Variants in CUBN observed in about 807,000 individuals in gnomAD.
CUBN encodes cubilin.
A neutral mutation model predicts 405.3 loss-of-function variants in CUBN; 282 were observed. The ratio of observed to expected loss-of-function variants is 0.70; its 90% CI spans 0.63 to 0.77. The LOEUF (loss-of-function observed/expected upper bound fraction) is 0.77. CUBN is among the 30% of genes least tolerant of loss of function. The pLI, the probability that CUBN is intolerant of heterozygous loss-of-function variation, is 0.00. For synonymous variants in CUBN, 1,684 were observed against 1,617.0 expected (o/e 1.04, Z -0.99); for missense variants, 4,514 against 4,475.2 (o/e 1.01, Z -0.25).
chr10:17,061,726 G>C (rs1397815197), intron 22 of CUBN, among the ~76,000 whole-genome samples: 1 of 152,098 alleles, frequency 6.6e-6, no homozygotes, highest in Non-Finnish European at 1.5e-5. Context: ...GATCATCCTT[G>C]GCCATTTCCC....
chr10:17,013,251 TTCTC>T (rs1168242470), intron 28 of CUBN, among the ~76,000 whole-genome samples: 1 of 151,948 alleles, frequency 6.6e-6, no homozygotes, highest in Non-Finnish European at 1.5e-5. Context: ...CTCTCTGACT[TTCTC>T]TCTGTCTCTT....
intron 42 of CUBN, 29 bp from the exon 43 acceptor site, chr10:16,925,453 C>A: frequency 6.2e-7 from 1 of 1,608,950 alleles, no homozygotes; most frequent in Non-Finnish European, 8.5e-7. Flanking sequence ...ATTTCATCAA[C>A]TCCTTTACAT....
chr10:16,863,534 GCCA>G (rs1469714620), intron 59 of CUBN, among the ~76,000 whole-genome samples: 1 of 151,842 alleles, frequency 6.6e-6, no homozygotes, highest in African/African-American at 2.4e-5. Flanking sequence ...CTTCAATCAG[GCCA>G]CCAAGAGGTA....
chr10:17,059,783 C>A (rs567622161), intron 22 of CUBN, among the ~76,000 whole-genome samples: 4 of 152,166 alleles, frequency 2.6e-5, no homozygotes, highest in Non-Finnish European at 5.9e-5. Context: ...TTTCTTTTCC[C>A]TCTCAGATGA....
chr10:16,984,265 G>C lies in CUBN; in HGVS notation c.4365C>G (p.Pro1455=). Residue 1455 remains proline, a synonymous_variant, in exon 30 of 67, where the codon CCC becomes CCG. Coordinates refer to ENST00000377833, the MANE Select transcript of CUBN (RefSeq NM_001081.4). ...NFDVLEIYGG[P]DFHSPRIAQL... ...GGGCTATTCTGGGAGAGTGGAAATC[G>C]GGGCCTCCATAGATCTAACATGGGA... The C allele has an allele frequency of 1.9e-6, 3 of 1,614,026 alleles. No individual in the cohort carries two copies. In the South Asian group the frequency reaches 3.3e-5, roughly 18 times the overall value.
rs181980660 is a variant in CUBN, at chr10:17,048,087, T to C, written c.3140-484A>G. ...AGAGTGATCTCGAATGAAAACCCTC[T>C]CAAACACTGTCAAGCTCTGCAGCCT... On this transcript the variant is annotated intron_variant, in intron 22 of 66. Coordinates refer to ENST00000377833, the MANE Select transcript of CUBN (RefSeq NM_001081.4). 1.2e-3 allele frequency among the ~76,000 whole-genome samples: 187 copies of C among 152,358 alleles called. 2 individuals carry two copies. The highest frequency in any genetic ancestry group is 4.2e-3 in the African/African-American group (174 of 41,586).
rs1168523361 is a variant in CUBN, at chr10:17,065,731, A to G, written c.3009-93T>C. The G allele has an allele frequency of 1.4e-5, 21 of 1,468,286 alleles. No homozygotes were observed. In the East Asian group the frequency reaches 4.4e-4, roughly 31 times the overall value. The allele number at this position is 1,468,286 out of a possible 1,614,324, so 91.0% of individuals were successfully genotyped here. On this transcript the variant is annotated intron_variant, in intron 21 of 66. Transcript: ENST00000377833. ...AATTTGGACATGTAAATATAATAAT[A>G]GGTTTTGTTCTCTACCTCTCATCAA... is the stretch of plus-strand genomic sequence containing the variant.
rs1843043716 is a variant in CUBN, at chr10:16,955,690, C to T, written c.4696-1142G>A. Among the ~76,000 whole-genome samples the T allele has an allele frequency of 2.6e-5, 4 of 152,150 alleles. No homozygotes were observed. The South Asian group carries it at 8.3e-4, about 32-fold the overall frequency. ...ATTAGTGCTTACTATGTGCCAGGAACTGGATTCAGCCCTTCACGTACACTG... is the reference window on the plus strand; with the variant it reads ...ATTAGTGCTTACTATGTGCCAGGAATTGGATTCAGCCCTTCACGTACACTG... On this transcript the variant is annotated intron_variant, in intron 31 of 66. Transcript: ENST00000377833.
chr10:17,111,358 A>G (rs947007955), intron 8 of CUBN, among the ~76,000 whole-genome samples: 1 of 152,190 alleles, frequency 6.6e-6, no homozygotes, highest in African/African-American at 2.4e-5. Flanking sequence ...AGTTGCACCT[A>G]TTAAAACTCA....
chr10:17,065,732 G>T, intron 21 of CUBN, 94 bp from the exon 22 acceptor site: 2 of 1,446,588 alleles, frequency 1.4e-6, no homozygotes, highest in East Asian at 2.3e-5. Flanking sequence ...TATAATAATA[G>T]GTTTTGTTCT....
At chr10:17,125,247 TACAC>T (rs547226654) in intron 4 of CUBN, among the ~76,000 whole-genome samples, 10 of 151,978 alleles carry the variant, frequency 6.6e-5, no homozygotes, top group African/African-American at 1.9e-4. Context: ...TGCACATACA[TACAC>T]ACACACATAC....
chr10:17,086,386 T>G (rs899083611), intron 15 of CUBN, among the ~76,000 whole-genome samples: 1 of 152,114 alleles, frequency 6.6e-6, no homozygotes, highest in South Asian at 2.1e-4. Flanking sequence ...TAGAAGAAAA[T>G]GAATATAAGC....
chr10:16,938,803 C>G (rs905969799), intron 38 of CUBN, among the ~76,000 whole-genome samples, 160 bp downstream of exon 38: 6 of 151,944 alleles, frequency 3.9e-5, no homozygotes, highest in African/African-American at 1.5e-4. Flanking sequence ...ACTGAAATTG[C>G]CTTTGTCCAT....
chr10:16,935,315 C>T (rs369551522), intron 39 of CUBN, among the ~76,000 whole-genome samples: 51 of 152,128 alleles, frequency 3.4e-4, no homozygotes, highest in East Asian at 7.8e-4. Flanking sequence ...CCATGCCTAC[C>T]TAATTTTTTT....
chr10:17,119,925 G>T (rs1836997961), intron 6 of CUBN, among the ~76,000 whole-genome samples: 1 of 152,152 alleles, frequency 6.6e-6, no homozygotes, highest in Admixed American at 6.5e-5. Flanking sequence ...ATGAGTATCT[G>T]CACCTTTTCA....
chr10:16,828,126 G>T (rs549080175), intron 66 of CUBN, among the ~76,000 whole-genome samples: 3 of 151,976 alleles, frequency 2.0e-5, no homozygotes, highest in Admixed American at 2.0e-4. Context: ...ATAAACATGG[G>T]TATTCAACCC....
At chr10:16,831,214 C>A in intron 65 of CUBN, 38 bp downstream of exon 65, 1 of 1,600,836 alleles carries the variant, frequency 6.2e-7, no homozygotes, top group Non-Finnish European at 8.6e-7. Context: ...TCATGTTTTT[C>A]TCACAGTGCT....
intron 60 of CUBN, among the ~76,000 whole-genome samples, chr10:16,843,939 G>A (rs1839434193): frequency 1.3e-5 from 2 of 152,142 alleles, no homozygotes; most frequent in African/African-American, 2.4e-5. Context: ...ACGTGATGGA[G>A]ACAGACATTT....
chr10:17,092,209 T>C (rs1006358164), intron 14 of CUBN, among the ~76,000 whole-genome samples: 1 of 152,126 alleles, frequency 6.6e-6, no homozygotes, highest in African/African-American at 2.4e-5. Flanking sequence ...CTGACTAAGC[T>C]CCTCTCTACC....
Sources: allele counts gnomAD v4.1 joint callset (sites outside exome capture counted in the v4.1 genomes callset), GRCh38; gene constraint gnomAD v4.1.1; transcripts MANE v1.5; gene names NCBI Gene and HGNC (gene_info 2026-07-23, HGNC 2026-07-21).